LAPTM4B: variants seen among roughly 807,000 people sequenced by gnomAD.
The protein encoded by LAPTM4B is lysosomal-associated transmembrane protein 4B.
LAPTM4B carries 26 observed loss-of-function variants against 28.5 expected under a neutral mutation model. The ratio of observed to expected loss-of-function variants is 0.91; its 90% CI spans 0.67 to 1.27. The LOEUF (loss-of-function observed/expected upper bound fraction) is 1.27. LAPTM4B is among the 50% of genes most tolerant of loss of function. LAPTM4B has a pLI of 0.00. For missense variants in LAPTM4B, 288 were observed against 285.8 expected, an observed-to-expected ratio of 1.01 and a Z score of -0.06; for synonymous variants, 109 against 106.4, an observed-to-expected ratio of 1.02 and a Z score of -0.15.
intron 6 of LAPTM4B, among the ~76,000 whole-genome samples, chr8:97,833,897 A>G (rs776499685): frequency 6.6e-6 from 1 of 152,076 alleles, no homozygotes; most frequent in Non-Finnish European, 1.5e-5. Context: ...CTCATGTACT[A>G]TTTGGCTACC....
rs765689871 is a variant in LAPTM4B, at chr8:97,825,111, C to T, written c.561C>T (p.Asn187=). The stretch of plus-strand genomic sequence containing the variant: ...GCTACCGATACATCAATGGTAGGAA[C>T]TCCTCTGATGTCCTGGTTTATGTTA... ...WNCYRYINGR[N]SSDVLVYVTS... Residue 187 remains asparagine, a synonymous_variant, in exon 6 of 7, where the codon AAC becomes AAT. Coordinates refer to ENST00000521545, the MANE Select transcript of LAPTM4B (RefSeq NM_018407.6). 4 of 1,611,434 alleles carry T rather than the reference C, an allele frequency of 2.5e-6. No individual in the cohort carries two copies. In the South Asian group the frequency reaches 4.4e-5, roughly 18 times the overall value.
At chr8:97,820,584 T>C (rs1816988132) in intron 5 of LAPTM4B, among the ~76,000 whole-genome samples, 1 of 152,112 alleles carries the variant, frequency 6.6e-6, no homozygotes, top group South Asian at 2.1e-4. Context: ...TGGAAACCAG[T>C]TGGCCAGGTG....
Position 97,775,969 on chromosome 8 carries a change from TG to T in LAPTM4B, c.-40del. On this transcript the variant is annotated 5_prime_UTR_variant, in exon 1 of 7. Transcript: ENST00000521545. ...CTCCAGGCGAGGCGGTCGACGCTCC[TG>T]AAAACTTGCGCGCGCGCTCGCGCCA... 1 of 1,528,088 alleles carries T rather than the reference TG, an allele frequency of 6.5e-7. No homozygotes were observed. The highest frequency in any genetic ancestry group is 8.7e-7 in the Non-Finnish European group (1 of 1,144,262). 94.7% of individuals were successfully genotyped at this position (1,528,088 alleles called of 1,614,324 possible). A position where few individuals can be genotyped will look rare whatever the true frequency, so the allele number is the denominator to read the frequency against.
At chr8:97,794,048 T>G (rs973217974) in intron 1 of LAPTM4B, among the ~76,000 whole-genome samples, 1 of 152,186 alleles carries the variant, frequency 6.6e-6, no homozygotes, top group African/African-American at 2.4e-5. Context: ...GGTGCAGTCT[T>G]GCCTCACTGC....
chr8:97,802,396 A>G (rs980669143), intron 1 of LAPTM4B, among the ~76,000 whole-genome samples: 1 of 152,166 alleles, frequency 6.6e-6, no homozygotes, highest in South Asian at 2.1e-4. Flanking sequence ...TGACGTTGCC[A>G]TGGCATTTGT....
chr8:97,780,296 A>AGG (rs1816288992), intron 1 of LAPTM4B, among the ~76,000 whole-genome samples: 1 of 151,818 alleles, frequency 6.6e-6, no homozygotes, highest in African/African-American at 2.4e-5. Flanking sequence ...GCGTGGTGGC[A>AGG]CGTGCCTGTA....
chr8:97,844,469 A>G (rs1189931604), intron 6 of LAPTM4B, among the ~76,000 whole-genome samples: 1 of 152,144 alleles, frequency 6.6e-6, no homozygotes, highest in East Asian at 1.9e-4. Context: ...TGTGGAATTC[A>G]TTGGTGTTAA....
intron 1 of LAPTM4B, among the ~76,000 whole-genome samples, chr8:97,785,713 G>A (rs1219342924): frequency 2.0e-5 from 3 of 152,206 alleles, no homozygotes; most frequent in African/African-American, 7.2e-5. Context: ...AAACAACATT[G>A]GTTCGTGATT....
At chr8:97,806,575 G>T (rs1816757141) in intron 2 of LAPTM4B, among the ~76,000 whole-genome samples, 1 of 152,114 alleles carries the variant, frequency 6.6e-6, no homozygotes, top group African/African-American at 2.4e-5. Flanking sequence ...GATATGGTTT[G>T]GCTGTGTCCC....
intron 1 of LAPTM4B, among the ~76,000 whole-genome samples, chr8:97,780,406 C>G (rs11998003): frequency 0.2 from 30,791 of 151,938 alleles, 3,422 homozygotes; most frequent in Admixed American, 0.31. Context: ...GCTTGGGCAA[C>G]AAAAGCGAAA....
intron 2 of LAPTM4B, among the ~76,000 whole-genome samples, chr8:97,814,660 A>G (rs1445830885): frequency 6.6e-6 from 1 of 152,190 alleles, no homozygotes; most frequent in Admixed American, 6.5e-5. Flanking sequence ...AAAGAGGAAC[A>G]TCAAGGCCTT....
intron 1 of LAPTM4B, among the ~76,000 whole-genome samples, chr8:97,790,536 T>C (rs1469076558): frequency 6.6e-6 from 1 of 151,914 alleles, no homozygotes; most frequent in Non-Finnish European, 1.5e-5. Context: ...GGTCTCGAAC[T>C]CCCGACCTTG....
intron 5 of LAPTM4B, among the ~76,000 whole-genome samples, chr8:97,823,344 G>GTTTTTT (rs10561869): frequency 3.0e-4 from 33 of 108,996 alleles, no homozygotes; most frequent in Middle Eastern, 6.1e-3. Flanking sequence ...ATACAATATG[G>GTTTTTT]TTTTTTTTTT....
intron 1 of LAPTM4B, among the ~76,000 whole-genome samples, chr8:97,778,624 A>G (rs1045879236): frequency 5.3e-5 from 8 of 152,076 alleles, no homozygotes; most frequent in African/African-American, 1.9e-4. Context: ...ATAACACCCA[A>G]AGCCCCGCGT....
intron 1 of LAPTM4B, among the ~76,000 whole-genome samples, chr8:97,790,323 T>C (rs1014899117): frequency 1.3e-5 from 2 of 151,892 alleles, no homozygotes; most frequent in Non-Finnish European, 2.9e-5. Flanking sequence ...TAATTTTTTT[T>C]TTTTTTTTAG....
At chr8:97,786,499 C>T (rs568000688) in intron 1 of LAPTM4B, among the ~76,000 whole-genome samples, 6 of 151,188 alleles carry the variant, frequency 4.0e-5, no homozygotes, top group South Asian at 2.1e-4. Context: ...GTTCCGAGTT[C>T]GAGACCAGCC....
chr8:97,821,034 C>T (rs999251334), intron 5 of LAPTM4B, among the ~76,000 whole-genome samples: 1 of 150,992 alleles, frequency 6.6e-6, no homozygotes, highest in Admixed American at 6.6e-5. Flanking sequence ...GCTGGGGACA[C>T]CGTCTCTTAA....
At chr8:97,827,816 G>A (rs1045120858) in intron 6 of LAPTM4B, among the ~76,000 whole-genome samples, 3 of 152,292 alleles carry the variant, frequency 2.0e-5, no homozygotes, top group Admixed American at 1.3e-4. Flanking sequence ...TAGGTTAGGG[G>A]TAAGCAGTGG....
intron 6 of LAPTM4B, among the ~76,000 whole-genome samples, chr8:97,832,957 C>T (rs1023456638): frequency 6.6e-6 from 1 of 150,738 alleles, no homozygotes; most frequent in African/African-American, 2.4e-5. Context: ...CCACCCACCT[C>T]TGCCTCCCAA....
Sources: allele counts gnomAD v4.1 joint callset (sites outside exome capture counted in the v4.1 genomes callset), GRCh38; gene constraint gnomAD v4.1.1; transcripts MANE v1.5; gene names NCBI Gene and HGNC (gene_info 2026-07-23, HGNC 2026-07-21).